Variants in RASEF observed in about 807,000 individuals in gnomAD.
RASEF encodes the protein RAS and EF-hand domain containing.
A neutral mutation model predicts 90.1 loss-of-function variants in RASEF; 68 were observed. The ratio of observed to expected loss-of-function variants is 0.75; its 90% confidence interval spans 0.62 to 0.92. RASEF has a LOEUF of 0.92. Among genes scored for constraint, RASEF ranks in the 40% least tolerant of loss-of-function variants. The probability of loss-of-function intolerance (pLI) is 0.00; values close to 1 mark genes in which losing one functional copy is unlikely to be tolerated. For missense variants in RASEF, 949 were observed against 937.2 expected (o/e 1.01, Z -0.16); for synonymous variants, 331 against 345.2 (o/e 0.96, Z 0.46).
the RASEF span, among the ~76,000 whole-genome samples, chr9:83,187,881 G>A: frequency 1.3e-5 from 2 of 152,130 alleles, no homozygotes; most frequent in Admixed American, 6.5e-5. Context: ...ACAGCAACAC[G>A]AGAGCTCTAC....
the RASEF span, among the ~76,000 whole-genome samples, chr9:83,140,163 C>G: frequency 6.6e-6 from 1 of 152,152 alleles, no homozygotes; most frequent in African/African-American, 2.4e-5. Flanking sequence ...GGAATTCTCC[C>G]CAGGAATTCC....
chr9:83,046,117 C>T (rs565493379), intron 1 of RASEF, among the ~76,000 whole-genome samples: 2 of 151,856 alleles, frequency 1.3e-5, no homozygotes, highest in East Asian at 1.9e-4. Context: ...CTCAGGGGTA[C>T]ATGTGCAGGT....
intron 4 of RASEF, among the ~76,000 whole-genome samples, chr9:83,013,115 TGCTTGCTG>T (rs2118514977): frequency 6.6e-6 from 1 of 152,348 alleles, no homozygotes; most frequent in African/African-American, 2.4e-5. Flanking sequence ...ACATGAGCTT[TGCTTGCTG>T]GTTGACTCAT....
At chr9:83,048,923 G>T in intron 1 of RASEF, 1 of 227,182 alleles carries the variant, frequency 4.4e-6, no homozygotes, top group Non-Finnish European at 7.3e-6. Flanking sequence ...GAGTCCAGGA[G>T]TTCGAGACCA....
intron 3 of RASEF, among the ~76,000 whole-genome samples, chr9:83,018,517 C>T (rs542891961): frequency 2.6e-5 from 4 of 151,746 alleles, no homozygotes; most frequent in East Asian, 1.9e-4. Context: ...GATCTATAGA[C>T]GCAATGAAGT....
chr9:83,102,808 G>A, the RASEF span, among the ~76,000 whole-genome samples: 2 of 152,278 alleles, frequency 1.3e-5, no homozygotes, highest in African/African-American at 2.4e-5. Flanking sequence ...GAGGACAGAC[G>A]GGTAGTAGCT....
chr9:83,084,795 A>C, the RASEF span, among the ~76,000 whole-genome samples: 1 of 152,138 alleles, frequency 6.6e-6, no homozygotes, highest in African/African-American at 2.4e-5. Context: ...TTGCATGCAT[A>C]TATGATTTTT....
chr9:83,119,257 G>A, the RASEF span, among the ~76,000 whole-genome samples: 1 of 150,134 alleles, frequency 6.7e-6, no homozygotes, highest in East Asian at 2.0e-4. Flanking sequence ...GACCCCAAGT[G>A]ATCCACTTGC....
In RASEF at chr9:83,042,545, A is replaced by G. The variant is rs146280252; in HGVS notation, c.432-16624T>C. ...AAGTGGCTGAATTTCTAAAAAGATA[A>G]TTTAGAACTACAGCATCTACTTGAG... On this transcript the variant is annotated intron_variant, in intron 1 of 16. Coordinates refer to ENST00000376447, the MANE Select transcript of RASEF (RefSeq NM_152573.4). Among the ~76,000 whole-genome samples, 66 of 152,336 alleles carry G rather than the reference A, an allele frequency of 4.3e-4. No individual in the cohort carries two copies. In the East Asian group the frequency reaches 0.011, roughly 25 times the overall value.
the RASEF span, among the ~76,000 whole-genome samples, chr9:83,075,504 T>C: frequency 1.3e-5 from 2 of 152,278 alleles, no homozygotes; most frequent in African/African-American, 4.8e-5. Context: ...CATTTCCTAT[T>C]TTACTATTTT....
chr9:82,982,616 TA>T lies in RASEF; in HGVS notation c.*60del. 1.1e-6 allele frequency: 1 copy of T among 952,132 alleles called. No individual in the cohort carries two copies. The highest frequency in any genetic ancestry group is 1.7e-5 in the Admixed American group (1 of 58,856). The allele number at this position is 952,132 out of a possible 1,614,324, so 59.0% of individuals were successfully genotyped here. ...ATGTGCCACTCTGTTAAGAGCCAAA[TA>T]AGTCACACAAATTCAGTATTCTGGA... On this transcript the variant is annotated 3_prime_UTR_variant, in exon 17 of 17. Transcript: ENST00000376447.
At chr9:83,019,748 AAAG>A (rs1401352142) in intron 3 of RASEF, among the ~76,000 whole-genome samples, 3 of 152,232 alleles carry the variant, frequency 2.0e-5, no homozygotes, top group Admixed American at 6.5e-5. Context: ...TGGCAATGAA[AAAG>A]AACAAACTAT....
Position 82,982,651 on chromosome 9 carries a change from C to T in RASEF, c.*26G>A, listed in dbSNP as rs369671138. On this transcript the variant is annotated 3_prime_UTR_variant, in exon 17 of 17. Transcript: ENST00000376447. ...AAATTCAGTATTCTGGAAATGAAGA[C>T]TTCACAGGCCAAGGATGTTTGGGAT... is the stretch of plus-strand genomic sequence containing the variant. 1.6e-6 allele frequency: 2 copies of T among 1,273,810 alleles called. No homozygotes were observed. The highest frequency in any genetic ancestry group is 1.7e-5 in the Admixed American group (1 of 59,536). The allele number at this position is 1,273,810 out of a possible 1,614,324, so 78.9% of individuals were successfully genotyped here.
chr9:83,079,586 C>T, the RASEF span, among the ~76,000 whole-genome samples: 1 of 152,156 alleles, frequency 6.6e-6, no homozygotes, highest in Non-Finnish European at 1.5e-5. Flanking sequence ...CCAGGTCCCA[C>T]CTCCATCATT....
chr9:83,150,670 C>T, the RASEF span, among the ~76,000 whole-genome samples: 1 of 152,048 alleles, frequency 6.6e-6, no homozygotes, highest in Non-Finnish European at 1.5e-5. Context: ...AAAATGAGCA[C>T]ACACCAAAGA....
intron 5 of RASEF, among the ~76,000 whole-genome samples, chr9:83,010,293 A>C (rs1397468084): frequency 6.6e-6 from 1 of 152,222 alleles, no homozygotes; most frequent in Non-Finnish European, 1.5e-5. Context: ...GATGGAGCAC[A>C]TGAATTTGTC....
At chr9:83,025,706 A>T in intron 2 of RASEF, 69 bp downstream of exon 2, 1 of 1,495,568 alleles carries the variant, frequency 6.7e-7, no homozygotes, top group Non-Finnish European at 9.2e-7. Context: ...AGTTCAGTCC[A>T]TTTGCCACCC....
At chr9:82,988,116 A>G (rs1828742994) in intron 16 of RASEF, among the ~76,000 whole-genome samples, 1 of 152,248 alleles carries the variant, frequency 6.6e-6, no homozygotes, top group African/African-American at 2.4e-5. Flanking sequence ...CAACTTATGA[A>G]TGAAACACCA....
At chr9:83,080,141 C>T in the RASEF span, among the ~76,000 whole-genome samples, 2 of 152,210 alleles carry the variant, frequency 1.3e-5, no homozygotes, top group Non-Finnish European at 2.9e-5. Context: ...CTATCTAAAA[C>T]TCTTCTGTTA....
Sources: gnomAD v4.1 joint callset for allele counts (sites outside exome capture counted in the v4.1 genomes callset) on GRCh38, gnomAD v4.1.1 for gene constraint, MANE v1.5 for transcripts, NCBI Gene and HGNC (gene_info 2026-07-23, HGNC 2026-07-21) for gene names.